Variants in CAMTA1 observed in about 807,000 individuals in gnomAD.
CAMTA1 encodes the protein calmodulin-binding transcription activator 1.
Under a neutral mutation model 170.9 loss-of-function variants are expected in CAMTA1, and 27 were observed. The observed-to-expected ratio is 0.16, with a 90% CI of 0.12 to 0.22. CAMTA1 has a LOEUF of 0.22. Ranked by LOEUF, CAMTA1 falls within the 10% of genes least tolerant of loss-of-function variation. CAMTA1 has a pLI of 1.00. For missense variants in CAMTA1, 1,619 were observed against 2,217.2 expected (o/e 0.73, Z 5.42); for synonymous variants, 833 against 891.5 (o/e 0.93, Z 1.17).
At chr1:7,219,049 C>T (rs1660255452) in intron 4 of CAMTA1, among the ~76,000 whole-genome samples, 1 of 152,180 alleles carries the variant, frequency 6.6e-6, no homozygotes, top group Non-Finnish European at 1.5e-5. Flanking sequence ...TGAACACCAT[C>T]TTTTCATGTT....
At chr1:6,805,612 C>A (rs1644422961) in intron 1 of CAMTA1, among the ~76,000 whole-genome samples, 1 of 152,170 alleles carries the variant, frequency 6.6e-6, no homozygotes, top group Admixed American at 6.5e-5. Context: ...CTTAAGCGGT[C>A]CTCCCACCTT....
At chr1:7,701,640 G>A (rs566870551) in intron 11 of CAMTA1, among the ~76,000 whole-genome samples, 23 of 151,950 alleles carry the variant, frequency 1.5e-4, no homozygotes, top group East Asian at 3.9e-4. Flanking sequence ...GGCTGGTCTC[G>A]AACTCCTGGG....
intron 3 of CAMTA1, among the ~76,000 whole-genome samples, chr1:6,840,758 C>T (rs532934597): frequency 1.3e-4 from 20 of 152,238 alleles, no homozygotes; most frequent in Admixed American, 3.3e-4. Flanking sequence ...GACTAAGCCC[C>T]GAGCAGTGCA....
At chr1:7,075,547 C>A (rs934099535) in intron 3 of CAMTA1, among the ~76,000 whole-genome samples, 1 of 152,168 alleles carries the variant, frequency 6.6e-6, no homozygotes, top group Non-Finnish European at 1.5e-5. Flanking sequence ...GCTCCCTTCC[C>A]GGCCCTGTGC....
In CAMTA1 at chr1:7,737,973, C is replaced by T. The variant is rs143825338; in HGVS notation, c.3673C>T (p.Arg1225Cys). ...GTACTTTTCAGAGCTGAGAAGACCT[C>T]GTTCTGAACCCTCTAATTACTACAG... is the stretch of plus-strand genomic sequence containing the variant. ...ASTNPELRRP[R>C]SEPSNYYSSE... The change falls in exon 16 of 23, where the codon CGT (arginine) becomes TGT (cysteine). Residue 1225 changes from arginine to cysteine, a missense_variant. Arg to Cys is a radical substitution (Grantham distance 180). Coordinates refer to ENST00000303635, the MANE Select transcript of CAMTA1 (RefSeq NM_015215.4). 8.0e-5 allele frequency: 128 copies of T among 1,606,818 alleles called. No homozygotes were observed. The highest frequency in any genetic ancestry group is 9.9e-5 in the Non-Finnish European group (116 of 1,174,910).
chr1:6,919,889 C>G (rs1343422511), intron 3 of CAMTA1, among the ~76,000 whole-genome samples: 1 of 151,896 alleles, frequency 6.6e-6, no homozygotes, highest in Non-Finnish European at 1.5e-5. Flanking sequence ...TCAGTCATCT[C>G]CCACTGGGTC....
chr1:7,709,467 G>A (rs369293319), intron 11 of CAMTA1, among the ~76,000 whole-genome samples: 2 of 150,238 alleles, frequency 1.3e-5, no homozygotes, highest in African/African-American at 5.1e-5. Flanking sequence ...ATGCAGGTCA[G>A]TTCAAGGAGG....
chr1:7,184,692 T>C, intron 4 of CAMTA1, among the ~76,000 whole-genome samples: 1 of 152,126 alleles, frequency 6.6e-6, no homozygotes, highest in South Asian at 2.1e-4. Context: ...GACAGAAAGT[T>C]AGATTTCTCT....
intron 4 of CAMTA1, among the ~76,000 whole-genome samples, chr1:7,203,887 A>G (rs966648682): frequency 6.7e-6 from 1 of 148,248 alleles, no homozygotes; most frequent in African/African-American, 2.5e-5. Flanking sequence ...GCTGGAGTGC[A>G]GTGGCGTGAT....
At chr1:7,097,556 T>A (rs1642224569) in intron 4 of CAMTA1, among the ~76,000 whole-genome samples, 1 of 152,250 alleles carries the variant, frequency 6.6e-6, no homozygotes, top group Non-Finnish European at 1.5e-5. Flanking sequence ...TGGTCACCTT[T>A]AAGGCATCTG....
At chr1:7,288,278 T>A (rs1435534243) in intron 5 of CAMTA1, among the ~76,000 whole-genome samples, 1 of 152,208 alleles carries the variant, frequency 6.6e-6, no homozygotes, top group Non-Finnish European at 1.5e-5. Context: ...GAGCTTATAA[T>A]CTAGAGTGCT....
chr1:7,145,155 C>A (rs1354604187), intron 4 of CAMTA1, among the ~76,000 whole-genome samples: 1 of 152,220 alleles, frequency 6.6e-6, no homozygotes, highest in Non-Finnish European at 1.5e-5. Context: ...CATCATGGAT[C>A]TCTTGGAAGT....
chr1:6,868,319 A>AAAAAC (rs548053878), intron 3 of CAMTA1, among the ~76,000 whole-genome samples: 3,353 of 140,546 alleles, frequency 0.024, 99 homozygotes, highest in African/African-American at 0.066. Context: ...TTTTTTTTTT[A>AAAAAC]AAAACAAAAC....
intron 5 of CAMTA1, among the ~76,000 whole-genome samples, chr1:7,319,394 T>A (rs1678014451): frequency 6.6e-6 from 1 of 152,114 alleles, no homozygotes; most frequent in Admixed American, 6.5e-5. Context: ...TGGTTGTTTA[T>A]AAGTATGTGA....
Position 7,007,460 on chromosome 1 carries a change from C to A in CAMTA1, c.235-83844C>A, listed in dbSNP as rs932288466. 6.6e-6 allele frequency among the ~76,000 whole-genome samples: 1 copy of A among 152,198 alleles called. No homozygotes were observed. Among genetic ancestry groups the A allele is most frequent in the Non-Finnish European group, 1.5e-5 (1 of 68,032 alleles). The stretch of plus-strand genomic sequence containing the variant: ...CAGAATGTCACACCCAGGTCCTTCC[C>A]TCGCCTCGAGAACCCCAAGCGAATT... On this transcript the variant is annotated intron_variant, in intron 3 of 22. Coordinates refer to ENST00000303635, the MANE Select transcript of CAMTA1 (RefSeq NM_015215.4). The surrounding 1 kb of genome is among the most constrained non-coding windows in gnomAD (Gnocchi z 4.5).
At chr1:6,866,406 A>G (rs1005119009) in intron 3 of CAMTA1, among the ~76,000 whole-genome samples, 4 of 152,228 alleles carry the variant, frequency 2.6e-5, no homozygotes, top group African/African-American at 9.7e-5. Context: ...TGGAAAGATG[A>G]AAGTGAACCC....
intron 2 of CAMTA1, among the ~76,000 whole-genome samples, chr1:6,822,876 T>A (rs754127767): frequency 1.3e-5 from 2 of 151,902 alleles, no homozygotes; most frequent in Non-Finnish European, 2.9e-5. Context: ...GCTGGGTTCC[T>A]CGAAGAGGCT....
intron 3 of CAMTA1, among the ~76,000 whole-genome samples, chr1:7,019,367 G>A (rs1438876417): frequency 1.3e-5 from 2 of 152,222 alleles, no homozygotes; most frequent in Non-Finnish European, 2.9e-5. Flanking sequence ...CCTTCCAAAA[G>A]AGTGAGAGAT....
chr1:7,080,989 A>G (rs1304181345), intron 3 of CAMTA1, among the ~76,000 whole-genome samples: 1 of 152,228 alleles, frequency 6.6e-6, no homozygotes, highest in Non-Finnish European at 1.5e-5. Flanking sequence ...CCTTCCTGAC[A>G]TTGGCCAAAA....
Sources: gnomAD v4.1 joint callset for allele counts (sites outside exome capture counted in the v4.1 genomes callset) on GRCh38, gnomAD v4.1.1 for gene constraint, Gnocchi (gnomAD v3.1) non-coding constraint, MANE v1.5 for transcripts, NCBI Gene and HGNC (gene_info 2026-07-23, HGNC 2026-07-21) for gene names.